Variants in DTNA observed in about 807,000 individuals in gnomAD.
The protein encoded by DTNA is dystrophin-related protein 3.
Under a neutral mutation model 100.7 loss-of-function variants are expected in DTNA, and 43 were observed. The observed-to-expected ratio is 0.43, with a 90% CI of 0.33 to 0.55. The LOEUF (loss-of-function observed/expected upper bound fraction) is 0.55. DTNA is among the 20% of genes least tolerant of loss of function. DTNA has a pLI of 0.04. For missense variants in DTNA, 798 were observed against 953.9 expected (o/e 0.84, Z 2.15); for synonymous variants, 349 against 347.9 (o/e 1.00, Z -0.04).
Position 34,829,463 on chromosome 18 carries a change from C to T in DTNA, c.1149C>T (p.Tyr383=), listed in dbSNP as rs559493183. 5.5e-4 allele frequency: 845 copies of T among 1,527,340 alleles called. 2 individuals are homozygous for T. Among genetic ancestry groups the T allele is most frequent in the Admixed American group, 8.5e-4 (43 of 50,608 alleles). 94.6% of individuals were successfully genotyped at this position (1,527,340 alleles called of 1,614,324 possible). ...AAGAGCATTCCCTCATAAAGCTGTA[C>T]GTAAATCAGCTTGATCACGGTGCAC... ...VAEEHSLIKL[Y]VNQLDHGARS... is the part of the protein sequence containing the mutation. The change falls in exon 11 of 23, where the codon TAC becomes TAT. Residue 383 remains tyrosine (Y), a synonymous_variant. Transcript: ENST00000444659.
intron 1 of DTNA, among the ~76,000 whole-genome samples, chr18:34,690,518 G>A (rs535066192): frequency 5.9e-5 from 9 of 152,312 alleles, no homozygotes; most frequent in Admixed American, 2.0e-4. Context: ...TGGAAATGCA[G>A]AAATCACCCA....
At chr18:34,536,822 C>G (rs1371903023) in intron 1 of DTNA, among the ~76,000 whole-genome samples, 1 of 151,788 alleles carries the variant, frequency 6.6e-6, no homozygotes, top group Non-Finnish European at 1.5e-5. Flanking sequence ...AATAATATTC[C>G]TAGTGCTTAT....
At chr18:34,509,536 G>C (rs1231276303) in intron 1 of DTNA, among the ~76,000 whole-genome samples, 1 of 151,996 alleles carries the variant, frequency 6.6e-6, no homozygotes, top group Non-Finnish European at 1.5e-5. Context: ...TCATAAGAGT[G>C]TATACAAAAT....
chr18:34,548,832 T>C (rs2045083719), intron 1 of DTNA, among the ~76,000 whole-genome samples: 1 of 152,142 alleles, frequency 6.6e-6, no homozygotes, highest in Non-Finnish European at 1.5e-5. Context: ...CTTTTGTCTT[T>C]TTAATGCTTG....
chr18:34,539,114 A>G (rs553522723), intron 1 of DTNA, among the ~76,000 whole-genome samples: 1 of 152,142 alleles, frequency 6.6e-6, no homozygotes, highest in African/African-American at 2.4e-5. Context: ...AGATTGGCAA[A>G]ATATTTAAAA....
intron 1 of DTNA, among the ~76,000 whole-genome samples, chr18:34,633,947 A>G (rs2058372166): frequency 6.6e-6 from 1 of 152,240 alleles, no homozygotes; most frequent in South Asian, 2.1e-4. Flanking sequence ...GGAAATCTAC[A>G]GTACGTTTTG....
chr18:34,866,988 A>T, intron 17 of DTNA: 1 of 1,210,344 alleles, frequency 8.3e-7, no homozygotes, highest in Non-Finnish European at 1.0e-6. Flanking sequence ...CTCAAAAAAA[A>T]AAACAAATTA....
At chr18:34,584,206 G>A (rs929191591) in intron 1 of DTNA, among the ~76,000 whole-genome samples, 15 of 152,044 alleles carry the variant, frequency 9.9e-5, no homozygotes, top group African/African-American at 3.6e-4. Flanking sequence ...TTGTCTAATG[G>A]TTTTATGGTA....
intron 1 of DTNA, among the ~76,000 whole-genome samples, chr18:34,577,255 T>C (rs542739597): frequency 6.6e-6 from 1 of 152,326 alleles, no homozygotes; most frequent in Non-Finnish European, 1.5e-5. Flanking sequence ...TACTTTGTCT[T>C]GAAGTTTAAC....
chr18:34,517,460 CGTGTGTGT>C lies in DTNA; in HGVS notation c.-2+23967_-2+23974del, dbSNP rs1199695756. Among the ~76,000 whole-genome samples, 3 of 148,882 alleles carry C rather than the reference CGTGTGTGT, an allele frequency of 2.0e-5. No homozygotes were observed. The Admixed American group carries it at 2.0e-4, about 10-fold the overall frequency. Reference sequence around the variant, plus strand: ...TCAGATTTAATAAGTTTTATATACACGTGTGTGTGTGTGTGTGTGTGTGTGTGTATTTA... The same window carrying C: ...TCAGATTTAATAAGTTTTATATACACGTGTGTGTGTGTGTGTGTGTATTTA... On this transcript the variant is annotated intron_variant, in intron 1 of 19. Coordinates refer to the DTNA transcript ENST00000283365.
At chr18:34,591,006 T>C (rs944063678) in intron 1 of DTNA, among the ~76,000 whole-genome samples, 1 of 152,206 alleles carries the variant, frequency 6.6e-6, no homozygotes, top group Admixed American at 6.5e-5. Context: ...TTAGGAGATA[T>C]CTGACTGATG....
At chr18:34,832,960 C>G (rs987141487) in intron 11 of DTNA, among the ~76,000 whole-genome samples, 1 of 151,964 alleles carries the variant, frequency 6.6e-6, no homozygotes, top group African/African-American at 2.4e-5. Flanking sequence ...CTTCACAAAT[C>G]CAAATGTCAT....
chr18:34,549,128 C>T (rs116390537), intron 1 of DTNA, among the ~76,000 whole-genome samples: 198 of 152,164 alleles, frequency 1.3e-3, no homozygotes, highest in African/African-American at 4.6e-3. Context: ...TTCTCTCTCT[C>T]TGCTCCCACT....
At chr18:34,524,338 CT>C (rs2042412810) in intron 1 of DTNA, among the ~76,000 whole-genome samples, 1 of 152,062 alleles carries the variant, frequency 6.6e-6, no homozygotes, top group Non-Finnish European at 1.5e-5. Flanking sequence ...ATGCTATGTT[CT>C]TATTTTGACA....
At chr18:34,881,599 G>A (rs933776036) in intron 20 of DTNA, among the ~76,000 whole-genome samples, 35 of 152,050 alleles carry the variant, frequency 2.3e-4, no homozygotes, top group African/African-American at 6.8e-4. Flanking sequence ...ATGTATGTGC[G>A]TATGTGTAAC....
chr18:34,550,935 T>C (rs184899645), intron 1 of DTNA, among the ~76,000 whole-genome samples: 140 of 152,326 alleles, frequency 9.2e-4, no homozygotes, highest in African/African-American at 3.1e-3. Context: ...TGTACAGCTT[T>C]CATTGATGAC....
chr18:34,852,037 G>A, intron 15 of DTNA, 109 bp downstream of exon 15: 1 of 1,078,886 alleles, frequency 9.3e-7, no homozygotes, highest in Non-Finnish European at 1.4e-6. Context: ...GGCTACTCAA[G>A]GGAAGACATC....
Position 34,887,938 on chromosome 18 carries a change from G to A in DTNA, c.*204G>A, listed in dbSNP as rs945609192. On this transcript the variant is annotated 3_prime_UTR_variant, in exon 23 of 23. Transcript: ENST00000444659. ...CCCACCCCTAAAGATGTGTCCTGAT[G>A]ACTATAGTGCAGCTAACTTTTTGTT... is the stretch of plus-strand genomic sequence containing the variant. The A allele has an allele frequency of 8.1e-6, 8 of 986,296 alleles. No homozygotes were observed. The highest frequency in any genetic ancestry group is 7.0e-5 in the African/African-American group (4 of 57,350). The allele number at this position is 986,296 out of a possible 1,614,324, so 61.1% of individuals were successfully genotyped here. A position where few individuals can be genotyped will look rare whatever the true frequency, so the allele number is the denominator to read the frequency against.
chr18:34,583,970 A>T (rs1329852832), intron 1 of DTNA, among the ~76,000 whole-genome samples: 1 of 150,796 alleles, frequency 6.6e-6, no homozygotes, highest in Non-Finnish European at 1.5e-5. Flanking sequence ...AGGATGAGAT[A>T]CGATATAGAA....
Sources: gnomAD v4.1 joint callset for allele counts (sites outside exome capture counted in the v4.1 genomes callset) on GRCh38, gnomAD v4.1.1 for gene constraint, MANE v1.5 for transcripts, NCBI Gene and HGNC (gene_info 2026-07-23, HGNC 2026-07-21) for gene names.